PRICKLE1: variants seen among roughly 807,000 people sequenced by gnomAD.
The protein encoded by PRICKLE1 is prickle-like protein 1.
Under a neutral mutation model 70.2 loss-of-function variants are expected in PRICKLE1, and 14 were observed. The observed-to-expected ratio is 0.20, with a 90% CI of 0.13 to 0.31. The LOEUF (loss-of-function observed/expected upper bound fraction) is 0.31, where lower values mean the gene tolerates loss of function less well. Ranked by LOEUF, PRICKLE1 falls within the 10% of genes least tolerant of loss-of-function variation. The pLI is 1.00. For missense variants in PRICKLE1, 821 were observed against 1,026.2 expected (o/e 0.80, Z 2.73); for synonymous variants, 357 against 379.9 (o/e 0.94, Z 0.70).
chr12:42,465,460 C>T, intron 6 of PRICKLE1: 2 of 594,036 alleles, frequency 3.4e-6, no homozygotes, highest in Non-Finnish European at 5.9e-6. Flanking sequence ...AACTCCCAAA[C>T]TAATATTCGC....
intron 1 of PRICKLE1, among the ~76,000 whole-genome samples, chr12:42,548,869 C>T (rs1940257095): frequency 6.6e-6 from 1 of 152,074 alleles, no homozygotes. Flanking sequence ...GCCTATAATC[C>T]CAGCACTCTG....
chr12:42,546,869 AC>A (rs1381287397), intron 1 of PRICKLE1, among the ~76,000 whole-genome samples: 2 of 152,054 alleles, frequency 1.3e-5, no homozygotes, highest in Non-Finnish European at 2.9e-5. Flanking sequence ...CTTTTTCGAA[AC>A]CTTTATATGT....
At chr12:42,515,906 A>G (rs1939602757) in intron 1 of PRICKLE1, among the ~76,000 whole-genome samples, 1 of 152,202 alleles carries the variant, frequency 6.6e-6, no homozygotes, top group Non-Finnish European at 1.5e-5. Context: ...AAGCCTTTAA[A>G]TCCAGAAATT....
At chr12:42,465,556 T>C (rs1280207655) in intron 6 of PRICKLE1, 1 of 392,568 alleles carries the variant, frequency 2.5e-6, no homozygotes, top group African/African-American at 2.0e-5. Flanking sequence ...ATGCTCAGCT[T>C]TTTGTTTCAG....
chr12:42,505,158 A>T (rs1939387303), intron 1 of PRICKLE1, among the ~76,000 whole-genome samples: 1 of 151,970 alleles, frequency 6.6e-6, no homozygotes, highest in Admixed American at 6.6e-5. Flanking sequence ...AAAACAAAAA[A>T]CAACAAAAAC....
intron 1 of PRICKLE1, among the ~76,000 whole-genome samples, chr12:42,586,099 A>C (rs1219464180): frequency 6.6e-6 from 1 of 152,240 alleles, no homozygotes; most frequent in Non-Finnish European, 1.5e-5. Context: ...TGTGACCAGA[A>C]GAAAAAGAAG....
chr12:42,532,930 G>C (rs1401248958), intron 1 of PRICKLE1, among the ~76,000 whole-genome samples: 1 of 151,802 alleles, frequency 6.6e-6, no homozygotes, highest in Non-Finnish European at 1.5e-5. Flanking sequence ...GGAATCTGGT[G>C]TGTTTTTTGC....
intron 1 of PRICKLE1, among the ~76,000 whole-genome samples, chr12:42,587,782 G>A (rs1262393318): frequency 6.6e-6 from 1 of 152,232 alleles, no homozygotes; most frequent in Non-Finnish European, 1.5e-5. Context: ...AATGGCTGCT[G>A]TTTAAGTTTA....
At chr12:42,481,771 A>G (rs2140153779) in intron 1 of PRICKLE1, among the ~76,000 whole-genome samples, 1 of 152,290 alleles carries the variant, frequency 6.6e-6, no homozygotes, top group East Asian at 1.9e-4. Context: ...GGATATACAC[A>G]TTTCCTTGTT....
At chr12:42,515,965 T>C (rs10880310) in intron 1 of PRICKLE1, among the ~76,000 whole-genome samples, 23,211 of 152,160 alleles carry the variant, frequency 0.15, 2,211 homozygotes, top group East Asian at 0.23. Context: ...TTTGATGACA[T>C]TCTTTCTTCC....
At chr12:42,493,856 TAAAA>T in intron 1 of PRICKLE1, among the ~76,000 whole-genome samples, 1 of 80,676 alleles carries the variant, frequency 1.2e-5, no homozygotes, top group South Asian at 3.4e-4. Flanking sequence ...AGACCGTGTC[TAAAA>T]AAAAAAAAAA....
At chr12:42,536,041 C>T (rs963507871) in intron 1 of PRICKLE1, among the ~76,000 whole-genome samples, 14 of 152,174 alleles carry the variant, frequency 9.2e-5, no homozygotes, top group East Asian at 3.9e-4. Context: ...AAGCAACACC[C>T]GAGTAAAAGA....
At chr12:42,494,389 G>C (rs904882699) in intron 1 of PRICKLE1, among the ~76,000 whole-genome samples, 2 of 152,186 alleles carry the variant, frequency 1.3e-5, no homozygotes, top group African/African-American at 4.8e-5. Context: ...AAACTCTGTT[G>C]CTGCTTTATC....
chr12:42,466,496 A>G, intron 5 of PRICKLE1, 116 bp from the exon 6 acceptor site: 1 of 848,390 alleles, frequency 1.2e-6, no homozygotes. Flanking sequence ...TAAAAAAATC[A>G]GATAGCTAAC....
chr12:42,578,638 G>GAA (rs35697058), intron 1 of PRICKLE1, among the ~76,000 whole-genome samples: 2 of 151,570 alleles, frequency 1.3e-5, no homozygotes, highest in Non-Finnish European at 2.9e-5. Flanking sequence ...CAGCTGGGGG[G>GAA]AAAAACCCAC....
chr12:42,530,785 C>T (rs1248305976), intron 1 of PRICKLE1, among the ~76,000 whole-genome samples: 1 of 139,674 alleles, frequency 7.2e-6, no homozygotes, highest in Non-Finnish European at 1.5e-5. Flanking sequence ...CTCCCGGGTT[C>T]CAGCAATTCT....
intron 1 of PRICKLE1, among the ~76,000 whole-genome samples, chr12:42,481,376 T>C (rs1938787136): frequency 6.6e-6 from 1 of 152,226 alleles, no homozygotes; most frequent in Non-Finnish European, 1.5e-5. Flanking sequence ...AGTTCCTATA[T>C]GAAGACTACC....
chr12:42,521,599 C>A lies in PRICKLE1; in HGVS notation c.-48-49035G>T, dbSNP rs552564682. On this transcript the variant is annotated intron_variant, in intron 1 of 7. Transcript: ENST00000345127. Reference sequence around the variant, plus strand: ...CCTATAGTCCCAGCTACTCTGGAGGCTGAGGTCGGGGGGATCGCTTAAGCC... The same window carrying A: ...CCTATAGTCCCAGCTACTCTGGAGGATGAGGTCGGGGGGATCGCTTAAGCC... Among the ~76,000 whole-genome samples the A allele has an allele frequency of 1.8e-4, 27 of 152,010 alleles. 1 individual carries two copies. The East Asian group carries it at 5.2e-3, about 30-fold the overall frequency.
Position 42,589,632 on chromosome 12 carries a change from G to A in PRICKLE1, c.-216C>T, listed in dbSNP as rs576131579. ...CCCAGAAAGTCTCCGTGCCGACCGC[G>A]GCGCGTCTCGGGGAAGTCAGCGCAG... On this transcript the variant is annotated 5_prime_UTR_variant, in exon 1 of 8. Transcript: ENST00000345127. This position sits in a 1 kb window ranked among gnomAD's most constrained non-coding sequence, Gnocchi z 5.0. 5 of 152,392 alleles carry A rather than the reference G, an allele frequency of 3.3e-5. No homozygotes were observed. Among genetic ancestry groups the A allele is most frequent in the African/African-American group, 1.2e-4 (5 of 41,546 alleles). The allele number at this position is 152,392 out of a possible 1,614,324, so 9.4% of individuals were successfully genotyped here.
Sources: gnomAD v4.1 joint callset for allele counts (sites outside exome capture counted in the v4.1 genomes callset) on GRCh38, gnomAD v4.1.1 for gene constraint, Gnocchi (gnomAD v3.1) non-coding constraint, MANE v1.5 for transcripts, NCBI Gene and HGNC (gene_info 2026-07-23, HGNC 2026-07-21) for gene names.